The following OTUD7A variants were observed in gnomAD, a reference collection of about 807,000 sequenced individuals.
The protein encoded by OTUD7A is OTU deubiquitinase 7A, also known as OTU domain-containing protein 7A.
A neutral mutation model predicts 65.7 loss-of-function variants in OTUD7A; 12 were observed. The observed-to-expected ratio is 0.18, with a 90% CI of 0.12 to 0.30. The LOEUF (loss-of-function observed/expected upper bound fraction) is 0.30. Among genes scored for constraint, OTUD7A ranks in the 10% least tolerant of loss-of-function variants. The pLI, the probability that OTUD7A is intolerant of heterozygous loss-of-function variation, is 1.00. For synonymous variants in OTUD7A, 641 were observed against 586.3 expected, an observed-to-expected ratio of 1.09 and a Z score of -1.35; for missense variants, 1,148 against 1,304.8, an observed-to-expected ratio of 0.88 and a Z score of 1.85.
intron 1 of OTUD7A, among the ~76,000 whole-genome samples, chr15:31,721,023 G>A (rs1247971523): frequency 1.3e-5 from 2 of 152,158 alleles, no homozygotes; most frequent in Admixed American, 6.5e-5. Context: ...TAGCTTGGGA[G>A]CAACAGGCTA....
chr15:31,844,941 C>A (rs373894195), intron 1 of OTUD7A, among the ~76,000 whole-genome samples: 1 of 152,134 alleles, frequency 6.6e-6, no homozygotes, highest in Non-Finnish European at 1.5e-5. Context: ...GACATGGCTA[C>A]CACTGGCAGA....
chr15:31,728,543 G>A (rs1056241081), intron 1 of OTUD7A, among the ~76,000 whole-genome samples: 12 of 152,116 alleles, frequency 7.9e-5, no homozygotes, highest in East Asian at 5.8e-4. Context: ...ACCTCTCTAC[G>A]CATGACCTTT....
chr15:31,599,193 C>T (rs1890000722), intron 3 of OTUD7A, among the ~76,000 whole-genome samples: 1 of 152,210 alleles, frequency 6.6e-6, no homozygotes, highest in African/African-American at 2.4e-5. Context: ...GGTCCCTGAC[C>T]CCTGTGTATC....
chr15:31,772,815 C>T (rs575100633), intron 1 of OTUD7A, among the ~76,000 whole-genome samples: 8 of 152,262 alleles, frequency 5.3e-5, no homozygotes, highest in African/African-American at 9.6e-5. Context: ...TATATCTAGA[C>T]GTGCTATCTT....
chr15:31,717,175 T>C (rs1363689821), intron 1 of OTUD7A, among the ~76,000 whole-genome samples: 1 of 152,194 alleles, frequency 6.6e-6, no homozygotes, highest in African/African-American at 2.4e-5. Flanking sequence ...TTGCATTTCG[T>C]TTTCATGTTT....
chr15:31,792,527 G>C (rs1035060424), intron 1 of OTUD7A, among the ~76,000 whole-genome samples: 2 of 152,140 alleles, frequency 1.3e-5, no homozygotes, highest in African/African-American at 4.8e-5. Flanking sequence ...CTAAGCTGGA[G>C]CTTCTTTTGT....
intron 1 of OTUD7A, among the ~76,000 whole-genome samples, chr15:31,867,849 T>G (rs1020510569): frequency 7.0e-6 from 1 of 143,226 alleles, no homozygotes; most frequent in African/African-American, 2.5e-5. Context: ...TTCAAGTATG[T>G]GCCCCCAACC....
intron 1 of OTUD7A, among the ~76,000 whole-genome samples, chr15:31,724,153 CTG>C (rs1270927835): frequency 6.6e-6 from 1 of 152,050 alleles, no homozygotes; most frequent in Non-Finnish European, 1.5e-5. Context: ...CTGAGGCACT[CTG>C]TGTATTACGG....
intron 1 of OTUD7A, among the ~76,000 whole-genome samples, chr15:31,790,332 G>A (rs1031474377): frequency 2.0e-5 from 3 of 152,256 alleles, no homozygotes; most frequent in Non-Finnish European, 4.4e-5. Flanking sequence ...TGATGCTGAT[G>A]CTGCAGGCCT....
chr15:31,674,363 T>C (rs1892550298), intron 1 of OTUD7A, among the ~76,000 whole-genome samples: 1 of 152,136 alleles, frequency 6.6e-6, no homozygotes, highest in African/African-American at 2.4e-5. Context: ...CTGATGAGAA[T>C]TTCAGAAGAC....
At chr15:31,497,370 C>G (rs541426111) in intron 10 of OTUD7A, among the ~76,000 whole-genome samples, 1 of 152,028 alleles carries the variant, frequency 6.6e-6, no homozygotes, top group Non-Finnish European at 1.5e-5. Context: ...CTGTCACAGC[C>G]TCCTGAGTAG....
chr15:31,568,663 C>G (rs80291617), intron 4 of OTUD7A, among the ~76,000 whole-genome samples: 1 of 152,120 alleles, frequency 6.6e-6, no homozygotes, highest in Non-Finnish European at 1.5e-5. Flanking sequence ...AAATGCAATC[C>G]GCCATCTTGG....
At chr15:31,609,732 C>T (rs145999459) in intron 3 of OTUD7A, among the ~76,000 whole-genome samples, 14 of 152,250 alleles carry the variant, frequency 9.2e-5, no homozygotes, top group East Asian at 7.7e-4. Flanking sequence ...GATGCTCTCT[C>T]GAAAGCGCTA....
intron 1 of OTUD7A, among the ~76,000 whole-genome samples, chr15:31,721,629 A>C (rs1893742942): frequency 6.6e-6 from 1 of 152,088 alleles, no homozygotes; most frequent in Non-Finnish European, 1.5e-5. Context: ...CCATCTTTTG[A>C]GAAAGACATT....
At chr15:31,561,206 G>A (rs1331608433) in intron 4 of OTUD7A, among the ~76,000 whole-genome samples, 1 of 152,080 alleles carries the variant, frequency 6.6e-6, no homozygotes, top group Non-Finnish European at 1.5e-5. Context: ...AGAAGAGGGA[G>A]GGAGCACATG....
rs79951664 is a variant in OTUD7A at position 31,521,426 on chromosome 15, G to T, written c.893+4923C>A. Reference sequence around the variant, plus strand: ...AAATGTCTTTAAAAATTTGAGCCGGGTCCCACATCTGCAAAGTGAGGACAC... The same window carrying T: ...AAATGTCTTTAAAAATTTGAGCCGGTTCCCACATCTGCAAAGTGAGGACAC... On this transcript the variant is annotated intron_variant, in intron 8 of 12. Coordinates refer to ENST00000307050, the MANE Select transcript of OTUD7A (RefSeq NM_001382637.1). Among the ~76,000 whole-genome samples the T allele has an allele frequency of 3.6e-3, 550 of 152,200 alleles. 2 individuals carry two copies. The highest frequency in any genetic ancestry group is 0.011 in the African/African-American group (454 of 41,520).
chr15:31,510,431 C>CT lies in OTUD7A; in HGVS notation c.894-6614dup, dbSNP rs1369942825. Among the ~76,000 whole-genome samples the CT allele has an allele frequency of 7.0e-5, 10 of 143,534 alleles. 1 individual carries two copies. Among genetic ancestry groups the CT allele is most frequent in the Admixed American group, 3.5e-4 (5 of 14,330 alleles). The allele number at this position is 143,534 out of a possible 152,430, so 94.2% of individuals were successfully genotyped here. A position where few individuals can be genotyped will look rare whatever the true frequency, so the allele number is the denominator to read the frequency against. On this transcript the variant is annotated intron_variant, in intron 8 of 12. Transcript: ENST00000307050. ...GCGACTGGCAGGAGTGGAGCTTAGT[C>CT]TTTTTTTTTTCCCCCAAGAAGAGGG... is the stretch of plus-strand genomic sequence containing the variant.
At chr15:31,543,198 T>C (rs1888035189) in intron 5 of OTUD7A, among the ~76,000 whole-genome samples, 1 of 151,904 alleles carries the variant, frequency 6.6e-6, no homozygotes, top group Non-Finnish European at 1.5e-5. Context: ...AAAGTCCCTG[T>C]CTTGCCTGGG....
At chr15:31,546,371 A>G (rs1178009364) in intron 5 of OTUD7A, among the ~76,000 whole-genome samples, 1 of 152,228 alleles carries the variant, frequency 6.6e-6, no homozygotes, top group Non-Finnish European at 1.5e-5. Flanking sequence ...GTGTGGCTAT[A>G]TATGAAGACG....
Sources: gnomAD v4.1 joint callset for allele counts (sites outside exome capture counted in the v4.1 genomes callset) on GRCh38, gnomAD v4.1.1 for gene constraint, MANE v1.5 for transcripts, NCBI Gene and HGNC (gene_info 2026-07-23, HGNC 2026-07-21) for gene names.